Variants in FCHSD2 observed in about 807,000 individuals in gnomAD.
FCHSD2 encodes the protein FCH and double SH3 domains 2, also known as F-BAR and double SH3 domains protein 2.
Under a neutral mutation model 108.1 loss-of-function variants are expected in FCHSD2, and 38 were observed. The observed-to-expected ratio is 0.35, with a 90% CI of 0.27 to 0.46. FCHSD2 has a LOEUF of 0.46. FCHSD2 is among the 20% of genes least tolerant of loss of function. FCHSD2 has a pLI of 1.00. For synonymous variants in FCHSD2, 279 were observed against 314.7 expected (o/e 0.89, Z 1.20); for missense variants, 751 against 897.8 (o/e 0.84, Z 2.09).
chr11:72,987,380 A>G lies in FCHSD2; in HGVS notation c.521+1584T>C, dbSNP rs144842254. On this transcript the variant is annotated intron_variant, in intron 6 of 19. Coordinates refer to ENST00000409418, the MANE Select transcript of FCHSD2 (RefSeq NM_014824.3). ...AAAGTGTTTTCACATTACTACTGCA[A>G]GTAAGTTATTAGTTAATATTAAGTG... Among the ~76,000 whole-genome samples the G allele has an allele frequency of 3.1e-3, 476 of 152,304 alleles. 1 individual carries two copies. Among genetic ancestry groups the G allele is most frequent in the African/African-American group, 0.011 (456 of 41,560 alleles).
At chr11:73,073,104 C>G (rs1486960935) in intron 3 of FCHSD2, among the ~76,000 whole-genome samples, 1 of 152,220 alleles carries the variant, frequency 6.6e-6, no homozygotes, top group East Asian at 1.9e-4. Context: ...TACTTTAATA[C>G]ACAGCACTTG....
Position 72,838,874 on chromosome 11 carries a change from C to A in FCHSD2, c.2140G>T (p.Val714Phe). ...PETSYGKLRP[V>F]RAAPPPPTQN... ...GTAGGTGGAGGGGGAGCTGCCCGGA[C>A]CTGAGCAGGAAACAATTACGTAGTT... Residue 714 changes from valine to phenylalanine, a missense_variant and splice_region_variant, in exon 20 of 20, where the codon GTC (valine) becomes TTC (phenylalanine). Transcript: ENST00000409418. 1 of 1,597,324 alleles carries A rather than the reference C, an allele frequency of 6.3e-7. No individual in the cohort carries two copies. Among genetic ancestry groups the A allele is most frequent in the East Asian group, 2.3e-5 (1 of 44,406 alleles).
At chr11:72,873,686 T>G (rs1206108326) in intron 12 of FCHSD2, among the ~76,000 whole-genome samples, 1 of 152,248 alleles carries the variant, frequency 6.6e-6, no homozygotes, top group Non-Finnish European at 1.5e-5. Flanking sequence ...TGGTTTTTTT[T>G]GTAAGTTTAT....
chr11:72,890,965 G>A (rs996703911), intron 10 of FCHSD2, among the ~76,000 whole-genome samples: 1 of 152,108 alleles, frequency 6.6e-6, no homozygotes, highest in Non-Finnish European at 1.5e-5. Context: ...AGAATGAAAA[G>A]AATTTTAGAA....
At chr11:73,047,974 G>A (rs996719368) in intron 3 of FCHSD2, among the ~76,000 whole-genome samples, 2 of 152,026 alleles carry the variant, frequency 1.3e-5, no homozygotes, top group East Asian at 3.8e-4. Flanking sequence ...AACAAATGGT[G>A]GAGCCATAAT....
intron 13 of FCHSD2, 131 bp downstream of exon 13, chr11:72,867,734 A>C (rs1854760276): frequency 2.8e-6 from 2 of 715,000 alleles, no homozygotes; most frequent in Admixed American, 3.1e-5. Context: ...TGATAGGCTG[A>C]AGAATAAAAC....
intron 3 of FCHSD2, among the ~76,000 whole-genome samples, chr11:73,064,734 T>A (rs1859249840): frequency 6.6e-6 from 1 of 152,068 alleles, no homozygotes; most frequent in Non-Finnish European, 1.5e-5. Flanking sequence ...AGCACCTGCA[T>A]GCAAATAAAC....
At chr11:73,006,259 C>T (rs1857739480) in intron 4 of FCHSD2, among the ~76,000 whole-genome samples, 1 of 152,094 alleles carries the variant, frequency 6.6e-6, no homozygotes, top group South Asian at 2.1e-4. Flanking sequence ...ACCCTAACTG[C>T]CTGTTCAACA....
intron 2 of FCHSD2, among the ~76,000 whole-genome samples, chr11:73,113,961 C>T (rs764360711): frequency 3.3e-5 from 5 of 152,040 alleles, no homozygotes; most frequent in African/African-American, 1.2e-4. Context: ...GCTCAAGGGC[C>T]TAGGGCTCTA....
At chr11:73,063,944 T>G (rs1342988619) in intron 3 of FCHSD2, among the ~76,000 whole-genome samples, 1 of 152,154 alleles carries the variant, frequency 6.6e-6, no homozygotes, top group East Asian at 1.9e-4. Flanking sequence ...GCAGACCTAA[T>G]AGGCACCTAC....
At chr11:73,135,798 G>A (rs1039419861) in intron 2 of FCHSD2, among the ~76,000 whole-genome samples, 10 of 152,138 alleles carry the variant, frequency 6.6e-5, no homozygotes, top group Non-Finnish European at 2.9e-5. Context: ...AAAAGGGGAG[G>A]AGAACAAAGG....
In FCHSD2 at chr11:73,053,928, G is replaced by A. The variant is rs182518328; in HGVS notation, c.165+29767C>T. ...TCTGTAATCTAAAAATTTTAACCATGTATTTTTTACTCATCCAATAATTCA... is the reference window on the plus strand; with the variant it reads ...TCTGTAATCTAAAAATTTTAACCATATATTTTTTACTCATCCAATAATTCA... On this transcript the variant is annotated intron_variant, in intron 3 of 19. Coordinates refer to ENST00000409418, the MANE Select transcript of FCHSD2 (RefSeq NM_014824.3). 1.2e-3 allele frequency among the ~76,000 whole-genome samples: 188 copies of A among 152,170 alleles called. 2 individuals carry two copies. The highest frequency in any genetic ancestry group is 0.011 in the Admixed American group (167 of 15,276).
At chr11:72,967,712 T>C (rs1856936887) in intron 8 of FCHSD2, among the ~76,000 whole-genome samples, 1 of 152,156 alleles carries the variant, frequency 6.6e-6, no homozygotes, top group Admixed American at 6.5e-5. Context: ...TACAACCTAG[T>C]AAATATAATA....
intron 12 of FCHSD2, among the ~76,000 whole-genome samples, chr11:72,887,252 ATTT>A (rs1855216589): frequency 6.6e-6 from 1 of 152,100 alleles, no homozygotes; most frequent in Non-Finnish European, 1.5e-5. Flanking sequence ...AATCTTTTGT[ATTT>A]AATGTTTCAT....
intron 3 of FCHSD2, among the ~76,000 whole-genome samples, chr11:73,045,361 G>C (rs1351764535): frequency 6.7e-6 from 1 of 149,254 alleles, no homozygotes; most frequent in East Asian, 2.0e-4. Context: ...TCAGTGTGGC[G>C]ATTCCTCAGG....
intron 8 of FCHSD2, among the ~76,000 whole-genome samples, chr11:72,983,110 C>T (rs1464465470): frequency 7.9e-5 from 12 of 151,744 alleles, no homozygotes; most frequent in Non-Finnish European, 1.8e-4. Context: ...CCGGCTAAAA[C>T]GGTGAAACCC....
At chr11:73,063,198 A>C (rs569288975) in intron 3 of FCHSD2, among the ~76,000 whole-genome samples, 50 of 152,364 alleles carry the variant, frequency 3.3e-4, no homozygotes, top group African/African-American at 1.2e-3. Context: ...AAGCTTCATA[A>C]GCAAAGGAGA....
At position 73,051,320 on chromosome 11, in the gene FCHSD2, A is replaced by G. The variant is rs117624063; in HGVS notation, c.165+32375T>C. Among the ~76,000 whole-genome samples the G allele has an allele frequency of 6.8e-3, 1,042 of 152,278 alleles. 6 individuals are homozygous for G. Among genetic ancestry groups the G allele is most frequent in the Non-Finnish European group, 0.012 (824 of 68,022 alleles). On this transcript the variant is annotated intron_variant, in intron 3 of 19. Transcript: ENST00000409418. ...ACAGAGTAAGACTCTAGCTCTAAAA[A>G]ATAAAAAAATAAAAAATTTAAATCT...
At chr11:72,856,885 A>G (rs572559177) in intron 13 of FCHSD2, among the ~76,000 whole-genome samples, 2 of 152,356 alleles carry the variant, frequency 1.3e-5, no homozygotes, top group East Asian at 3.9e-4. Flanking sequence ...TATACTTAGA[A>G]GACATTGCCT....
Sources: allele counts gnomAD v4.1 joint callset (sites outside exome capture counted in the v4.1 genomes callset), GRCh38; gene constraint gnomAD v4.1.1; transcripts MANE v1.5; gene names NCBI Gene and HGNC (gene_info 2026-07-23, HGNC 2026-07-21).